The following NME7 variants were observed in gnomAD, a reference collection of about 807,000 sequenced individuals.
NME7 encodes the protein NME/NM23 family member 7, also known as nucleoside diphosphate kinase 7.
In NME7, 41 loss-of-function variants were observed where a neutral mutation model predicts 49.1. The ratio of observed to expected loss-of-function variants is 0.83; its 90% CI spans 0.65 to 1.08. NME7 has a LOEUF of 1.08. Ranked by LOEUF, NME7 falls within the 50% of genes least tolerant of loss-of-function variation. The pLI is 0.00. For synonymous variants in NME7, 139 were observed against 150.6 expected, an observed-to-expected ratio of 0.92 and a Z score of 0.56; for missense variants, 423 against 463.4, an observed-to-expected ratio of 0.91 and a Z score of 0.80.
intron 11 of NME7, among the ~76,000 whole-genome samples, chr1:169,141,573 A>T (rs1383372824): frequency 4.6e-5 from 7 of 152,194 alleles, no homozygotes; most frequent in African/African-American, 1.7e-4. Flanking sequence ...CTCATAAAGG[A>T]TGTTGTCAAT....
intron 11 of NME7, among the ~76,000 whole-genome samples, chr1:169,137,008 C>T (rs547109965): frequency 6.6e-6 from 1 of 152,292 alleles, no homozygotes; most frequent in South Asian, 2.1e-4. Context: ...TTGTGGAATT[C>T]CAGCACCAAA....
At chr1:169,184,070 C>A (rs1660004222) in intron 10 of NME7, among the ~76,000 whole-genome samples, 1 of 151,586 alleles carries the variant, frequency 6.6e-6, no homozygotes, top group Admixed American at 6.6e-5. Flanking sequence ...TATCCTCCCC[C>A]AAAATTCATT....
At position 169,256,184 on chromosome 1, in the gene NME7, A is replaced by G. The variant is rs1424333657; in HGVS notation, c.755-18497T>C. 8.3e-5 allele frequency among the ~76,000 whole-genome samples: 11 copies of G among 133,092 alleles called. 1 individual carries two copies. Among genetic ancestry groups the G allele is most frequent in the Admixed American group, 5.2e-4 (7 of 13,584 alleles). 87.3% of individuals were successfully genotyped at this position (133,092 alleles called of 152,430 possible). A position where few individuals can be genotyped will look rare whatever the true frequency, so the allele number is the denominator to read the frequency against. ...TTTCCAACTTGGTTCCATTCTCCCC[A>G]TCACTTTCAGGTACACCAATCAGAC... is the stretch of plus-strand genomic sequence containing the variant. On this transcript the variant is annotated intron_variant, in intron 7 of 11. Transcript: ENST00000367811.
chr1:169,152,653 A>G (rs1000413083), intron 11 of NME7, among the ~76,000 whole-genome samples: 2 of 152,214 alleles, frequency 1.3e-5, no homozygotes, highest in African/African-American at 4.8e-5. Flanking sequence ...CTCTTCAAAG[A>G]ATTACACCTT....
At chr1:169,340,723 T>C (rs1367832997) in intron 1 of NME7, among the ~76,000 whole-genome samples, 1 of 152,216 alleles carries the variant, frequency 6.6e-6, no homozygotes, top group Non-Finnish European at 1.5e-5. Flanking sequence ...TAGTGGGAAC[T>C]GGAGTGAAGG....
chr1:169,173,029 A>G (rs147663839), intron 10 of NME7, among the ~76,000 whole-genome samples: 5 of 152,204 alleles, frequency 3.3e-5, no homozygotes, highest in Non-Finnish European at 7.4e-5. Context: ...AAATGACAGT[A>G]CTTCTATTCA....
At chr1:169,220,756 T>C (rs1325935500) in intron 10 of NME7, among the ~76,000 whole-genome samples, 1 of 152,228 alleles carries the variant, frequency 6.6e-6, no homozygotes. Context: ...CCTGAAAATG[T>C]ATTTTTAAAT....
rs74914857 is a variant in NME7, at chr1:169,341,153, T to C, written c.4-16653A>G. ...GGAAGGCTAGGAGAGAAAAATGGTT[T>C]TGTGGGCTAGGCCTGGGGCCCCACT... On this transcript the variant is annotated intron_variant, in intron 1 of 11. Transcript: ENST00000367811. 1.8e-3 allele frequency among the ~76,000 whole-genome samples: 270 copies of C among 152,274 alleles called. 1 individual carries two copies. Among genetic ancestry groups the C allele is most frequent in the African/African-American group, 6.0e-3 (251 of 41,560 alleles).
intron 5 of NME7, among the ~76,000 whole-genome samples, chr1:169,301,422 A>G (rs12118918): frequency 0.11 from 17,288 of 152,180 alleles, 1,267 homozygotes; most frequent in Non-Finnish European, 0.17. Flanking sequence ...GTCAAAAAAT[A>G]ACATGCTGGC....
chr1:169,166,878 T>A (rs1659427950), intron 11 of NME7, among the ~76,000 whole-genome samples: 2 of 152,062 alleles, frequency 1.3e-5, no homozygotes, highest in South Asian at 4.1e-4. Context: ...AGGCTGAGGC[T>A]GGAGAAATGC....
At chr1:169,230,691 A>G in intron 10 of NME7, 27 bp downstream of exon 10, 1 of 1,491,238 alleles carries the variant, frequency 6.7e-7, no homozygotes, top group Non-Finnish European at 9.2e-7. Flanking sequence ...AACACAAACT[A>G]GGATAATATT....
intron 1 of NME7, among the ~76,000 whole-genome samples, chr1:169,324,947 A>G (rs1279456346): frequency 1.3e-5 from 2 of 152,236 alleles, no homozygotes; most frequent in Admixed American, 6.5e-5. Context: ...GTATCAGAAT[A>G]TTACCATTAA....
At chr1:169,336,350 A>G (rs932753263) in intron 1 of NME7, among the ~76,000 whole-genome samples, 1 of 152,156 alleles carries the variant, frequency 6.6e-6, no homozygotes, top group African/African-American at 2.4e-5. Flanking sequence ...TCCCTTCCAC[A>G]GCTAGCTCAG....
At chr1:169,313,839 A>G (rs893343003) in intron 3 of NME7, among the ~76,000 whole-genome samples, 2 of 152,176 alleles carry the variant, frequency 1.3e-5, no homozygotes, top group Non-Finnish European at 2.9e-5. Flanking sequence ...GCTACAAAAC[A>G]TTATCAGGTA....
At chr1:169,133,008 C>A (rs1658288055) in intron 11 of NME7, among the ~76,000 whole-genome samples, 191 bp from the exon 12 acceptor site, 1 of 152,178 alleles carries the variant, frequency 6.6e-6, no homozygotes, top group African/African-American at 2.4e-5. Flanking sequence ...AAAAAATCAT[C>A]TTGCAGTGCT....
intron 1 of NME7, among the ~76,000 whole-genome samples, chr1:169,357,289 C>A (rs527492298): frequency 1.3e-5 from 2 of 152,124 alleles, no homozygotes; most frequent in East Asian, 3.9e-4. Flanking sequence ...GAAATCTAGT[C>A]TTGTTCATCT....
At position 169,227,159 on chromosome 1, in the gene NME7, CTTCT is replaced by C. The variant is rs535986996; in HGVS notation, c.990+3555_990+3558del. On this transcript the variant is annotated intron_variant, in intron 10 of 11. Transcript: ENST00000367811. ...TCAGCATTGTTTTCTTTTCGAGACT[CTTCT>C]TTCTATGATCGTGAACCTGCTCACT... Among the ~76,000 whole-genome samples the C allele has an allele frequency of 2.0e-4, 31 of 152,278 alleles. No homozygotes were observed. The East Asian group carries it at 4.8e-3, about 24-fold the overall frequency.
chr1:169,322,684 A>G (rs1445602910), intron 3 of NME7, among the ~76,000 whole-genome samples: 1 of 150,822 alleles, frequency 6.6e-6, no homozygotes, highest in East Asian at 1.9e-4. Context: ...ATAAATATAT[A>G]TATATATATC....
At chr1:169,163,140 G>C (rs1396811551) in intron 11 of NME7, among the ~76,000 whole-genome samples, 1 of 152,146 alleles carries the variant, frequency 6.6e-6, no homozygotes, top group East Asian at 1.9e-4. Context: ...AAAGATGAAG[G>C]AAGCAAGGAG....
Sources: gnomAD v4.1 joint callset for allele counts (sites outside exome capture counted in the v4.1 genomes callset) on GRCh38, gnomAD v4.1.1 for gene constraint, MANE v1.5 for transcripts, NCBI Gene and HGNC (gene_info 2026-07-23, HGNC 2026-07-21) for gene names.